Variants in TMEM163 observed in about 807,000 individuals in gnomAD.
TMEM163 encodes transmembrane protein 163.
Under a neutral mutation model 29.3 loss-of-function variants are expected in TMEM163, and 17 were observed. The ratio of observed to expected loss-of-function variants is 0.58; its 90% CI spans 0.40 to 0.87. The LOEUF (loss-of-function observed/expected upper bound fraction) is 0.87. Among genes scored for constraint, TMEM163 ranks in the 40% least tolerant of loss-of-function variants. TMEM163 has a pLI of 0.00. For missense variants in TMEM163, 303 were observed against 381.5 expected, an observed-to-expected ratio of 0.79 and a Z score of 1.71; for synonymous variants, 157 against 160.6, an observed-to-expected ratio of 0.98 and a Z score of 0.17.
In TMEM163 at chr2:134,458,059, C is replaced by A; in HGVS notation, c.782G>T (p.Gly261Val). The stretch of plus-strand genomic sequence containing the variant: ...GACCCCATAGGCAAATATGGTGAGG[C>A]CGATCAGAACGCCTATGCTGCCGTC... ...YLDGSIGVLI[G>V]LTIFAYGVKL... Residue 261 changes from glycine (G) to valine (V), a missense_variant, in exon 7 of 8, where the codon GGC becomes GTC. Gly to Val is a moderately radical substitution (Grantham distance 109, BLOSUM62 -3). Transcript: ENST00000281924. The A allele has an allele frequency of 6.2e-7, 1 of 1,614,124 alleles. No individual in the cohort carries two copies. The highest frequency in any genetic ancestry group is 8.5e-7 in the Non-Finnish European group (1 of 1,180,022).
intron 2 of TMEM163, among the ~76,000 whole-genome samples, chr2:134,560,746 A>G (rs1197272120): frequency 1.3e-5 from 2 of 152,246 alleles, no homozygotes; most frequent in African/African-American, 4.8e-5. Flanking sequence ...AGCATGGACC[A>G]GGGCACCCTT....
intron 2 of TMEM163, among the ~76,000 whole-genome samples, chr2:134,577,638 G>T (rs1458072177): frequency 2.0e-5 from 3 of 152,138 alleles, no homozygotes; most frequent in Non-Finnish European, 4.4e-5. Flanking sequence ...CACACTGCAG[G>T]TCTCCGCAGG....
intron 2 of TMEM163, among the ~76,000 whole-genome samples, chr2:134,562,812 C>A (rs1053783814): frequency 6.6e-6 from 1 of 152,108 alleles, no homozygotes; most frequent in Non-Finnish European, 1.5e-5. Context: ...CAACAAGAAA[C>A]ATGAAAAAAC....
chr2:134,594,266 C>T (rs938069037), intron 2 of TMEM163, among the ~76,000 whole-genome samples: 13 of 142,320 alleles, frequency 9.1e-5, no homozygotes, highest in South Asian at 2.3e-4. Context: ...AAGAGAGAAG[C>T]GGGGACAGAG....
intron 2 of TMEM163, among the ~76,000 whole-genome samples, chr2:134,587,369 C>T (rs994599448): frequency 5.3e-5 from 8 of 152,208 alleles, no homozygotes; most frequent in African/African-American, 1.9e-4. Context: ...CCAAAATACG[C>T]CATTGCACTC....
chr2:134,584,636 T>TAAA (rs34838986), intron 2 of TMEM163, among the ~76,000 whole-genome samples: 5 of 126,964 alleles, frequency 3.9e-5, no homozygotes, highest in African/African-American at 9.0e-5. Context: ...AAATTTCTAG[T>TAAA]AAAAAAAAAA....
intron 4 of TMEM163, among the ~76,000 whole-genome samples, chr2:134,548,056 A>G (rs1680830312): frequency 6.6e-6 from 1 of 152,228 alleles, no homozygotes. Flanking sequence ...AAAACCCTGA[A>G]TTCAATTCCT....
chr2:134,583,819 C>G (rs1681750690), intron 2 of TMEM163, among the ~76,000 whole-genome samples: 1 of 152,134 alleles, frequency 6.6e-6, no homozygotes, highest in African/African-American at 2.4e-5. Context: ...GCTCTCTGCT[C>G]CCTCAATCCC....
At chr2:134,551,960 C>A (rs530234001) in intron 3 of TMEM163, 88 bp downstream of exon 3, 2 of 1,025,800 alleles carry the variant, frequency 1.9e-6, no homozygotes, top group Non-Finnish European at 3.0e-6. Flanking sequence ...CATACACTAA[C>A]CACCCTCATT....
Position 134,557,111 on chromosome 2 carries a change from A to G in TMEM163, c.323-5020T>C, listed in dbSNP as rs529876333. ...ACCTTCCAGAGAAGAAGAGTCAGTA[A>G]AACGCTCTGAGGTGGAACACTTGGC... is the stretch of plus-strand genomic sequence containing the variant. On this transcript the variant is annotated intron_variant, in intron 2 of 7. Coordinates refer to ENST00000281924, the MANE Select transcript of TMEM163 (RefSeq NM_030923.5). 7.2e-5 allele frequency among the ~76,000 whole-genome samples: 11 copies of G among 152,340 alleles called. No individual in the cohort carries two copies. In the South Asian group the frequency reaches 1.7e-3, roughly 23 times the overall value.
intron 4 of TMEM163, among the ~76,000 whole-genome samples, chr2:134,534,090 A>AG (rs1489815112): frequency 6.6e-6 from 1 of 152,136 alleles, no homozygotes; most frequent in Non-Finnish European, 1.5e-5. Context: ...AGGAGAGCAG[A>AG]GAGCTGGTTT....
intron 2 of TMEM163, 58 bp downstream of exon 2, chr2:134,713,142 T>C: frequency 6.3e-7 from 1 of 1,582,194 alleles, no homozygotes; most frequent in Non-Finnish European, 8.5e-7. Context: ...CCACAGGAAT[T>C]AGAGAATAAA....
At chr2:134,601,920 T>C (rs1682244372) in intron 2 of TMEM163, among the ~76,000 whole-genome samples, 2 of 151,996 alleles carry the variant, frequency 1.3e-5, no homozygotes, top group Non-Finnish European at 2.9e-5. Flanking sequence ...AGCAAAGACA[T>C]GAAGGCAATG....
At chr2:134,516,758 G>GATATCTATTC in intron 4 of TMEM163, among the ~76,000 whole-genome samples, 1 of 66,844 alleles carries the variant, frequency 1.5e-5, no homozygotes, top group Non-Finnish European at 2.6e-5. Flanking sequence ...TATATGAATA[G>GATATCTATTC]ATATATATGT....
intron 2 of TMEM163, among the ~76,000 whole-genome samples, chr2:134,694,725 T>C (rs886709208): frequency 6.6e-6 from 1 of 152,214 alleles, no homozygotes; most frequent in Non-Finnish European, 1.5e-5. Flanking sequence ...ATCCAAACTC[T>C]CACAAAATGA....
At chr2:134,603,125 C>T (rs1682272772) in intron 2 of TMEM163, among the ~76,000 whole-genome samples, 1 of 152,152 alleles carries the variant, frequency 6.6e-6, no homozygotes, top group African/African-American at 2.4e-5. Context: ...CTAGACTCTT[C>T]TTTCCCAGCC....
In TMEM163 at chr2:134,713,230, C is replaced by G; in HGVS notation, c.292G>C (p.Val98Leu). ...GCAGCCACCGCGAGGGCCAGGGTGA[C>G]AATGATGGAGAACCAGGACACCCAC... The part of the protein sequence containing the change: ...ALWVSWFSII[V>L]TLALAVAAFT... Residue 98 changes from valine to leucine, a missense_variant, in exon 2 of 8, where the codon GTC becomes CTC. Coordinates refer to ENST00000281924, the MANE Select transcript of TMEM163 (RefSeq NM_030923.5). 1 of 1,614,170 alleles carries G rather than the reference C, an allele frequency of 6.2e-7. No individual in the cohort carries two copies. The highest frequency in any genetic ancestry group is 8.5e-7 in the Non-Finnish European group (1 of 1,180,030).
At chr2:134,584,882 G>T (rs842349) in intron 2 of TMEM163, among the ~76,000 whole-genome samples, 50,761 of 152,004 alleles carry the variant, frequency 0.33, 9,807 homozygotes, top group Middle Eastern at 0.67. Flanking sequence ...CAAAGGCAAT[G>T]ACTTGTCCAG....
chr2:134,483,843 GA>G (rs1372782889), intron 5 of TMEM163, among the ~76,000 whole-genome samples: 11 of 152,156 alleles, frequency 7.2e-5, no homozygotes, highest in African/African-American at 2.4e-4. Flanking sequence ...CATGATTTTT[GA>G]GAGTATTAAC....
Sources: gnomAD v4.1 joint callset for allele counts (sites outside exome capture counted in the v4.1 genomes callset) on GRCh38, gnomAD v4.1.1 for gene constraint, MANE v1.5 for transcripts, NCBI Gene and HGNC (gene_info 2026-07-23, HGNC 2026-07-21) for gene names.